Variants in PLA2G4A observed in about 807,000 individuals in gnomAD.
PLA2G4A encodes cytosolic phospholipase A2.
A neutral mutation model predicts 81.9 loss-of-function variants in PLA2G4A; 40 were observed. The observed-to-expected ratio is 0.49, with a 90% confidence interval of 0.38 to 0.64. The LOEUF (loss-of-function observed/expected upper bound fraction) is 0.64. Among genes scored for constraint, PLA2G4A ranks in the 30% least tolerant of loss-of-function variants. The pLI is 0.00. For synonymous variants in PLA2G4A, 302 were observed against 296.9 expected, an observed-to-expected ratio of 1.02 and a Z score of -0.18; for missense variants, 715 against 905.1, an observed-to-expected ratio of 0.79 and a Z score of 2.69.
chr1:186,971,580 T>C (rs1657358124), intron 15 of PLA2G4A, among the ~76,000 whole-genome samples: 1 of 152,008 alleles, frequency 6.6e-6, no homozygotes, highest in African/African-American at 2.4e-5. Context: ...TCTCTAGGTA[T>C]GTACTTCAGC....
chr1:186,862,773 G>A (rs1652861856), intron 2 of PLA2G4A, among the ~76,000 whole-genome samples: 1 of 152,162 alleles, frequency 6.6e-6, no homozygotes, highest in Non-Finnish European at 1.5e-5. Context: ...CGCCAAGGAT[G>A]TGTGAGAAAA....
At chr1:186,940,670 G>A (rs1185533332) in intron 10 of PLA2G4A, among the ~76,000 whole-genome samples, 1 of 152,124 alleles carries the variant, frequency 6.6e-6, no homozygotes, top group Non-Finnish European at 1.5e-5. Flanking sequence ...TTGTTATATT[G>A]TTAGGGAATA....
chr1:186,956,405 G>T (rs1276334748), intron 14 of PLA2G4A, 61 bp downstream of exon 14: 5 of 1,469,590 alleles, frequency 3.4e-6, no homozygotes, highest in Non-Finnish European at 4.8e-6. Flanking sequence ...CTTCTCTGGA[G>T]AGAAGCATTT....
At chr1:186,829,215 C>T (rs1488449872) in intron 1 of PLA2G4A, among the ~76,000 whole-genome samples, 180 bp downstream of exon 1, 1 of 152,162 alleles carries the variant, frequency 6.6e-6, no homozygotes. Context: ...GATTAGGGAC[C>T]TCAATTTTCT....
At chr1:186,963,808 T>A (rs1356899264) in intron 14 of PLA2G4A, among the ~76,000 whole-genome samples, 1 of 152,242 alleles carries the variant, frequency 6.6e-6, no homozygotes, top group Non-Finnish European at 1.5e-5. Flanking sequence ...TTCTTTAAAG[T>A]ATTAATAACT....
chr1:186,874,238 A>G (rs1653387944), intron 3 of PLA2G4A, among the ~76,000 whole-genome samples: 2 of 152,090 alleles, frequency 1.3e-5, no homozygotes, highest in Admixed American at 6.6e-5. Context: ...CAGTGAGTGT[A>G]GTATTTCAAT....
chr1:186,934,463 T>TATATATACAC (rs368585350), intron 8 of PLA2G4A, among the ~76,000 whole-genome samples: 1 of 143,480 alleles, frequency 7.0e-6, no homozygotes, highest in Non-Finnish European at 1.5e-5. Context: ...TATATATATA[T>TATATATACAC]ACATACACAG....
intron 1 of PLA2G4A, among the ~76,000 whole-genome samples, chr1:186,835,521 G>A (rs564239799): frequency 6.6e-5 from 10 of 152,258 alleles, no homozygotes; most frequent in East Asian, 1.9e-4. Flanking sequence ...AGACTGCTGC[G>A]TCTATCATTA....
At chr1:186,852,975 G>T (rs146799665) in intron 1 of PLA2G4A, among the ~76,000 whole-genome samples, 2 of 152,056 alleles carry the variant, frequency 1.3e-5, no homozygotes, top group Admixed American at 6.6e-5. Flanking sequence ...TGATTAATAT[G>T]CATGATAAGA....
At chr1:186,930,967 C>T (rs951335780) in intron 7 of PLA2G4A, among the ~76,000 whole-genome samples, 6 of 152,126 alleles carry the variant, frequency 3.9e-5, no homozygotes, top group South Asian at 2.1e-4. Context: ...TGCCTGTAAA[C>T]TCAACCCCCT....
At chr1:186,964,396 C>T (rs1657060529) in intron 14 of PLA2G4A, among the ~76,000 whole-genome samples, 1 of 152,156 alleles carries the variant, frequency 6.6e-6, no homozygotes, top group South Asian at 2.1e-4. Context: ...TCTAGGTCCT[C>T]TTTTTCTTCA....
At chr1:186,862,594 A>G (rs1488414631) in intron 2 of PLA2G4A, among the ~76,000 whole-genome samples, 1 of 152,182 alleles carries the variant, frequency 6.6e-6, no homozygotes, top group African/African-American at 2.4e-5. Context: ...GGGATAAAAT[A>G]TCTAAAATAG....
intron 7 of PLA2G4A, among the ~76,000 whole-genome samples, chr1:186,931,046 G>T (rs1190165144): frequency 6.6e-6 from 1 of 151,932 alleles, no homozygotes; most frequent in Non-Finnish European, 1.5e-5. Flanking sequence ...AACTACTGCT[G>T]CACCTAATAC....
At chr1:186,974,048 G>A (rs1030358557) in intron 15 of PLA2G4A, among the ~76,000 whole-genome samples, 5 of 151,296 alleles carry the variant, frequency 3.3e-5, no homozygotes, top group Non-Finnish European at 5.9e-5. Flanking sequence ...ATTATTTTAT[G>A]TATATATGTA....
intron 1 of PLA2G4A, 78 bp downstream of exon 1, chr1:186,829,113 T>C (rs1486399651): frequency 6.6e-6 from 1 of 152,234 alleles, no homozygotes; most frequent in Admixed American, 6.5e-5. Flanking sequence ...TAGCTTTTAC[T>C]TGGTAGTTTA....
rs772162049 is a variant in PLA2G4A, at chr1:186,906,978, T to A, written c.392T>A (p.Val131Asp). 6.6e-7 allele frequency: 1 copy of A among 1,511,832 alleles called. No individual in the cohort carries two copies. The highest frequency in any genetic ancestry group is 2.3e-5 in the East Asian group (1 of 44,262). 93.7% of individuals were successfully genotyped at this position (1,511,832 alleles called of 1,614,324 possible). A position where few individuals can be genotyped will look rare whatever the true frequency, so the allele number is the denominator to read the frequency against. Residue 131 changes from valine (V) to aspartate (D), a missense_variant, in exon 6 of 18, where the codon GTT (valine) becomes GAT (aspartate). Physicochemically the swap from Val to Asp is radical, Grantham distance 152 (BLOSUM62 -3). Transcript: ENST00000367466. ...GTCTTTTTTTAGGTCACTGAAATGGTTCTAGAAATGTCTCTTGAAGTTTGG... is the reference window on the plus strand; with the variant it reads ...GTCTTTTTTTAGGTCACTGAAATGGATCTAGAAATGTCTCTTGAAGTTTGG... ...PFIFNQVTEM[V>D]LEMSLEVCSC...
intron 2 of PLA2G4A, among the ~76,000 whole-genome samples, chr1:186,858,896 A>C (rs535769636): frequency 1.8e-4 from 28 of 151,790 alleles, no homozygotes; most frequent in Non-Finnish European, 3.7e-4. Context: ...TATATGGAAA[A>C]AAAACCAACT....
chr1:186,955,913 T>TC (rs1553220254), intron 13 of PLA2G4A, among the ~76,000 whole-genome samples, 189 bp from the exon 14 acceptor site: 2 of 150,006 alleles, frequency 1.3e-5, no homozygotes, highest in Non-Finnish European at 3.0e-5. Flanking sequence ...TTTTTTTTTT[T>TC]GTATTTTTAG....
chr1:186,947,636 G>C (rs1450020016), intron 12 of PLA2G4A, among the ~76,000 whole-genome samples: 3 of 152,076 alleles, frequency 2.0e-5, no homozygotes, highest in Non-Finnish European at 4.4e-5. Context: ...TTTATATTCA[G>C]TTTCTTCCAA....
Sources: gnomAD v4.1 joint callset for allele counts (sites outside exome capture counted in the v4.1 genomes callset) on GRCh38, gnomAD v4.1.1 for gene constraint, MANE v1.5 for transcripts, NCBI Gene and HGNC (gene_info 2026-07-23, HGNC 2026-07-21) for gene names.